Variants in RTL9 observed in about 807,000 individuals in gnomAD.
RTL9 encodes retrotransposon Gag like 9.
Under a neutral mutation model 44.7 loss-of-function variants are expected in RTL9, and 19 were observed. That is an observed-to-expected ratio of 0.42 (90% CI 0.30 to 0.62). The LOEUF (loss-of-function observed/expected upper bound fraction) is 0.62, where lower values mean the gene tolerates loss of function less well. Ranked by LOEUF, RTL9 falls within the 20% of genes least tolerant of loss-of-function variation. RTL9 has a pLI of 0.16. For missense variants in RTL9, 1,105 were observed against 1,080.6 expected (o/e 1.02, Z -0.32); for synonymous variants, 407 against 398.9 (o/e 1.02, Z -0.24).
chrX:110,430,454 C>G (rs924492154), intron 1 of RTL9, among the ~76,000 whole-genome samples: 1 of 112,465 alleles, frequency 8.9e-6, no homozygotes, highest in Non-Finnish European at 1.9e-5. Context: ...CAGACTCAGA[C>G]AGGCTGAATA....
upstream of RTL9, among the ~76,000 whole-genome samples, chrX:110,416,735 G>A (rs140347862): frequency 1.1e-3 from 123 of 112,061 alleles, 2 homozygotes; most frequent in East Asian, 0.03. Context: ...GCTTCTAAGC[G>A]TCCTGTGGGG....
At chrX:110,393,885 T>G (rs1377047165) in intron 1 of RTL9, among the ~76,000 whole-genome samples, 1 of 112,180 alleles carries the variant, frequency 8.9e-6, no homozygotes, top group Non-Finnish European at 1.9e-5. Flanking sequence ...AGAAAATAAC[T>G]GAATGAGTGA....
rs748826805 is a variant in RTL9 at position 110,413,441 on chromosome X, A to T, written c.-167-31712A>T. Among the ~76,000 whole-genome samples, 16 of 104,275 alleles carry T rather than the reference A, an allele frequency of 1.5e-4. No homozygotes were observed. In the South Asian group the frequency reaches 6.6e-3, roughly 43 times the overall value. The allele number at this position is 104,275 out of a possible 115,157, so 90.6% of individuals were successfully genotyped here. On this transcript the variant is annotated intron_variant, in intron 1 of 2. Transcript: ENST00000520821. The stretch of plus-strand genomic sequence containing the variant: ...GTTAGTCCTCCGTCCTCAGCCAAGA[A>T]CTCCTCCTTCTCATGCCATCTGGCT...
At chrX:110,434,840 C>T (rs2068824774) in intron 1 of RTL9, among the ~76,000 whole-genome samples, 1 of 110,375 alleles carries the variant, frequency 9.1e-6, no homozygotes, top group Non-Finnish European at 1.9e-5. Context: ...TCCCATTTTA[C>T]TCATCCAGGG....
chrX:110,405,140 T>C (rs1385674222), intron 1 of RTL9, among the ~76,000 whole-genome samples: 4 of 97,908 alleles, frequency 4.1e-5, no homozygotes, highest in African/African-American at 1.1e-4. Flanking sequence ...TTTGTGTAAA[T>C]GTATTTTCTA....
chrX:110,418,339 C>G (rs1406493476), upstream of RTL9, among the ~76,000 whole-genome samples: 1 of 112,295 alleles, frequency 8.9e-6, no homozygotes, highest in Admixed American at 9.4e-5. Flanking sequence ...ACACTCGAGT[C>G]TCTCACTGTG....
intron 1 of RTL9, among the ~76,000 whole-genome samples, chrX:110,426,137 T>G (rs1253671955): frequency 1.8e-5 from 2 of 112,245 alleles, no homozygotes; most frequent in Non-Finnish European, 3.8e-5. Context: ...ATGATGCTAT[T>G]AAATTTAACC....
rs150183498 is a variant in RTL9, at chrX:110,368,711, A to G, written c.-168+9795A>G. 7.5e-3 allele frequency among the ~76,000 whole-genome samples: 848 copies of G among 112,322 alleles called. 3 individuals carry two copies. The highest frequency in any genetic ancestry group is 0.012 in the Non-Finnish European group (653 of 53,280). On this transcript the variant is annotated intron_variant, in intron 1 of 2. Coordinates refer to the RTL9 transcript ENST00000520821. ...TTGTTTACTGTCTATCTTCACCACT[A>G]GAATATAAGCTTCAGGAAGGCAGGG...
intron 1 of RTL9, among the ~76,000 whole-genome samples, chrX:110,421,349 T>C (rs769521612): frequency 8.9e-6 from 1 of 112,742 alleles, no homozygotes; most frequent in South Asian, 3.7e-4. Flanking sequence ...CAGTGTCATT[T>C]GTTCACTAAC....
Position 110,362,686 on chromosome X carries a change from A to C in RTL9, c.-168+3770A>C, listed in dbSNP as rs950004995. On this transcript the variant is annotated intron_variant, in intron 1 of 2. Transcript: ENST00000520821. Reference sequence around the variant, plus strand: ...AAATATGATAAATGAAGTATTTACCAGTTCTTACTGACTGTTCTTTCATAC... The same window carrying C: ...AAATATGATAAATGAAGTATTTACCCGTTCTTACTGACTGTTCTTTCATAC... 4.5e-5 allele frequency among the ~76,000 whole-genome samples: 5 copies of C among 112,082 alleles called. No homozygotes were observed. The East Asian group carries it at 1.4e-3, about 31-fold the overall frequency.
rs1179452939 is a variant in RTL9 at position 110,442,277 on chromosome X, G to GTA, written c.-167-2875_-167-2874insAT. Among the ~76,000 whole-genome samples, 7 of 108,885 alleles carry GTA rather than the reference G, an allele frequency of 6.4e-5. No individual in the cohort carries two copies. The East Asian group carries it at 1.7e-3, about 27-fold the overall frequency. The allele number at this position is 108,885 out of a possible 115,157, so 94.6% of individuals were successfully genotyped here. Reference sequence around the variant, plus strand: ...TGTGTGTGTGTGTGTGTGTGTGTGTGTGTGTGTGTGTTTCAGAAAAGCCAG... The same window carrying GTA: ...TGTGTGTGTGTGTGTGTGTGTGTGTGTATGTGTGTGTGTTTCAGAAAAGCCAG... On this transcript the variant is annotated intron_variant, in intron 1 of 3. Coordinates refer to the RTL9 transcript ENST00000465301.
chrX:110,414,636 G>A (rs149427715), upstream of RTL9, among the ~76,000 whole-genome samples: 2 of 112,903 alleles, frequency 1.8e-5, no homozygotes, highest in Non-Finnish European at 3.7e-5. Context: ...CATCTCATTC[G>A]TTTAGACCTT....
intron 1 of RTL9, among the ~76,000 whole-genome samples, chrX:110,440,702 G>A (rs182934603): frequency 8.9e-6 from 1 of 112,777 alleles, no homozygotes; most frequent in East Asian, 2.8e-4. Flanking sequence ...GGTTTCTTTA[G>A]GTTATTGCTC....
At chrX:110,429,467 TTTTTTTG>T (rs2068779993) in intron 1 of RTL9, among the ~76,000 whole-genome samples, 1 of 79,949 alleles carries the variant, frequency 1.3e-5, no homozygotes, top group African/African-American at 1.2e-4. Flanking sequence ...TGTTTTTTTT[TTTTTTTG>T]TTTTGTTTTT....
chrX:110,378,520 C>A (rs1378320139), intron 1 of RTL9, among the ~76,000 whole-genome samples: 1 of 112,040 alleles, frequency 8.9e-6, no homozygotes, highest in African/African-American at 3.2e-5. Context: ...TCCTGGCATT[C>A]GAAGCTCTCT....
chrX:110,451,968 T>C (rs1239622352), exon 1 of RTL9: 19 of 1,210,210 alleles, frequency 1.6e-5, no homozygotes, highest in Non-Finnish European at 1.8e-5. Flanking sequence ...TGGAGTGATG[T>C]CCACAGAGCA....
chrX:110,451,862 A>G, exon 1 of RTL9: 1 of 1,211,846 alleles, frequency 8.3e-7, no homozygotes, highest in Non-Finnish European at 1.1e-6. Flanking sequence ...CCACACCGCT[A>G]ATGGGAGCCC....
At chrX:110,407,043 AGCTCTGGTATT>A (rs2068607407) in intron 1 of RTL9, among the ~76,000 whole-genome samples, 2 of 111,542 alleles carry the variant, frequency 1.8e-5, no homozygotes, top group South Asian at 7.5e-4. Flanking sequence ...TTCCTCGGAA[AGCTCTGGTATT>A]GCGCAAACGC....
intron 1 of RTL9, among the ~76,000 whole-genome samples, chrX:110,393,728 C>T (rs750242081): frequency 4.5e-5 from 5 of 112,085 alleles, no homozygotes; most frequent in East Asian, 2.8e-4. Flanking sequence ...TTAGTTATCA[C>T]GTTAATGGGG....
Sources: allele counts gnomAD v4.1 joint callset (sites outside exome capture counted in the v4.1 genomes callset), GRCh38; gene constraint gnomAD v4.1.1; transcripts MANE v1.5; gene names NCBI Gene and HGNC (gene_info 2026-07-23, HGNC 2026-07-21).